Variants in TSHZ2 observed in about 807,000 individuals in gnomAD.
TSHZ2 encodes teashirt homolog 2.
In TSHZ2, 21 loss-of-function variants were observed where a neutral mutation model predicts 74.4. That is an observed-to-expected ratio of 0.28 (90% CI 0.20 to 0.41). The LOEUF (loss-of-function observed/expected upper bound fraction) is 0.41. Ranked by LOEUF, TSHZ2 falls within the 10% of genes least tolerant of loss-of-function variation. The probability of loss-of-function intolerance (pLI) is 1.00; values close to 1 mark genes in which losing one functional copy is unlikely to be tolerated. For synonymous variants in TSHZ2, 540 were observed against 515.3 expected (o/e 1.05, Z -0.65); for missense variants, 1,244 against 1,293.5 (o/e 0.96, Z 0.59).
chr20:53,114,240 T>C (rs1227979199), intron 1 of TSHZ2, among the ~76,000 whole-genome samples: 1 of 152,230 alleles, frequency 6.6e-6, no homozygotes, highest in African/African-American at 2.4e-5. Context: ...AATTTACTTA[T>C]ATGTGTTTCA....
intron 1 of TSHZ2, among the ~76,000 whole-genome samples, chr20:53,137,675 AT>A (rs1270352735): frequency 1.3e-5 from 2 of 152,088 alleles, no homozygotes; most frequent in African/African-American, 4.8e-5. Flanking sequence ...TTTCAGACAC[AT>A]TCATATCATC....
At chr20:53,146,167 A>G (rs1462401266) in intron 1 of TSHZ2, among the ~76,000 whole-genome samples, 1 of 152,072 alleles carries the variant, frequency 6.6e-6, no homozygotes, top group Non-Finnish European at 1.5e-5. Context: ...GGTCCATTTC[A>G]TATCTAGTAT....
At chr20:53,096,020 A>G (rs1986032025) in intron 1 of TSHZ2, among the ~76,000 whole-genome samples, 1 of 152,162 alleles carries the variant, frequency 6.6e-6, no homozygotes, top group African/African-American at 2.4e-5. Flanking sequence ...CAGAACCCCA[A>G]AGGGCCCAGC....
At chr20:53,329,559 A>C (rs887047093) in intron 2 of TSHZ2, among the ~76,000 whole-genome samples, 1 of 151,712 alleles carries the variant, frequency 6.6e-6, no homozygotes, top group Non-Finnish European at 1.5e-5. Context: ...CTGACCGTAA[A>C]CACACTGCAG....
chr20:53,415,186 AC>A (rs1285944433), intron 2 of TSHZ2, among the ~76,000 whole-genome samples: 1 of 152,080 alleles, frequency 6.6e-6, no homozygotes, highest in Non-Finnish European at 1.5e-5. Context: ...ATTATTGAAA[AC>A]CCTTAAGGCT....
chr20:53,478,442 C>T (rs1986047073), intron 2 of TSHZ2, among the ~76,000 whole-genome samples: 1 of 145,392 alleles, frequency 6.9e-6, no homozygotes, highest in African/African-American at 2.5e-5. Context: ...TATTCTCACT[C>T]ATAGGTGGGA....
intron 1 of TSHZ2, among the ~76,000 whole-genome samples, chr20:53,234,684 C>A (rs1003989965): frequency 2.6e-5 from 4 of 152,088 alleles, no homozygotes; most frequent in Middle Eastern, 3.4e-3. Flanking sequence ...CAGCAGCCAG[C>A]GCAAAGGCCT....
At chr20:53,001,139 A>G (rs925935034) in intron 1 of TSHZ2, among the ~76,000 whole-genome samples, 1 of 150,500 alleles carries the variant, frequency 6.6e-6, no homozygotes, top group African/African-American at 2.5e-5. Context: ...CACAACAGGA[A>G]CTCTATGAAC....
intron 1 of TSHZ2, among the ~76,000 whole-genome samples, chr20:52,991,809 A>G (rs2741363): frequency 0.38 from 57,256 of 151,282 alleles, 11,632 homozygotes; most frequent in Non-Finnish European, 0.47. Flanking sequence ...GTTGTGGGGA[A>G]AGAGTGTGAA....
At chr20:53,276,528 C>T (rs1405394550) in intron 2 of TSHZ2, among the ~76,000 whole-genome samples, 1 of 152,190 alleles carries the variant, frequency 6.6e-6, no homozygotes, top group African/African-American at 2.4e-5. Flanking sequence ...AGCAAATATT[C>T]TAACGCTCTC....
chr20:52,992,115 A>C (rs1459767232), intron 1 of TSHZ2, among the ~76,000 whole-genome samples: 2 of 152,038 alleles, frequency 1.3e-5, no homozygotes, highest in African/African-American at 4.8e-5. Flanking sequence ...GAAGCTCCAC[A>C]CCCTATTGTA....
intron 1 of TSHZ2, among the ~76,000 whole-genome samples, chr20:53,129,076 G>A (rs1044818062): frequency 6.6e-6 from 1 of 152,066 alleles, no homozygotes; most frequent in Non-Finnish European, 1.5e-5. Context: ...TCTGCACTAA[G>A]ATATATGTAA....
rs1986541166 is a variant in TSHZ2, at chr20:53,494,773, A to C, written c.*7638A>C. The C allele has an allele frequency of 6.6e-6, 1 of 152,092 alleles. No individual in the cohort carries two copies. Among genetic ancestry groups the C allele is most frequent in the East Asian group, 1.9e-4 (1 of 5,202 alleles). The allele number at this position is 152,092 out of a possible 1,614,324, so 9.4% of individuals were successfully genotyped here. ...TTATATGGAGCCCCTGATTTCCATC[A>C]AAAAGGTTTCTATAAGTATATTATT... On this transcript the variant is annotated 3_prime_UTR_variant, in exon 3 of 3. Transcript: ENST00000371497.
At chr20:53,001,205 C>CGTGTGT (rs558621179) in intron 1 of TSHZ2, among the ~76,000 whole-genome samples, 1,979 of 94,134 alleles carry the variant, frequency 0.021, 49 homozygotes, top group South Asian at 0.062. Flanking sequence ...CGTTCATGTG[C>CGTGTGT]GTGTGTGTGT....
chr20:53,011,121 A>G (rs1298076440), intron 1 of TSHZ2, among the ~76,000 whole-genome samples: 2 of 152,236 alleles, frequency 1.3e-5, no homozygotes, highest in Non-Finnish European at 1.5e-5. Context: ...GGGAAAAAAT[A>G]TACTGATCCA....
chr20:53,132,169 T>G (rs1324901597), intron 1 of TSHZ2, among the ~76,000 whole-genome samples: 1 of 152,124 alleles, frequency 6.6e-6, no homozygotes, highest in Non-Finnish European at 1.5e-5. Context: ...TCTTGCTGTC[T>G]GTGTCCTAGG....
At chr20:53,358,512 TTTTG>T in intron 2 of TSHZ2, among the ~76,000 whole-genome samples, 1 of 152,012 alleles carries the variant, frequency 6.6e-6, no homozygotes, top group African/African-American at 2.4e-5. Flanking sequence ...GGCTACTTTT[TTTTG>T]TTTTTTTTAG....
At chr20:53,233,690 G>A (rs541855997) in intron 1 of TSHZ2, among the ~76,000 whole-genome samples, 1 of 152,284 alleles carries the variant, frequency 6.6e-6, no homozygotes, top group Admixed American at 6.5e-5. Context: ...TTGTTCAAAT[G>A]GGCAGACTCA....
intron 1 of TSHZ2, among the ~76,000 whole-genome samples, chr20:53,200,664 G>T (rs1988982021): frequency 6.6e-6 from 1 of 152,002 alleles, no homozygotes; most frequent in African/African-American, 2.4e-5. Context: ...TTGTTTGTTT[G>T]TTTGTTTGTT....
Sources: gnomAD v4.1 joint callset for allele counts (sites outside exome capture counted in the v4.1 genomes callset) on GRCh38, gnomAD v4.1.1 for gene constraint, MANE v1.5 for transcripts, NCBI Gene and HGNC (gene_info 2026-07-23, HGNC 2026-07-21) for gene names.